Variants in LRRC4C observed in about 807,000 individuals in gnomAD.
The protein encoded by LRRC4C is leucine-rich repeat-containing protein 4C.
Under a neutral mutation model 33.6 loss-of-function variants are expected in LRRC4C, and 5 were observed. That is an observed-to-expected ratio of 0.15 (90% confidence interval 0.08 to 0.31). LRRC4C has a LOEUF of 0.31. Ranked by LOEUF, LRRC4C falls within the 10% of genes least tolerant of loss-of-function variation. LRRC4C has a pLI of 1.00. For missense variants in LRRC4C, 560 were observed against 796.7 expected (o/e 0.70, Z 3.58); for synonymous variants, 329 against 302.0 (o/e 1.09, Z -0.93).
chr11:41,116,372 GT>G (rs1165224832), intron 1 of LRRC4C, among the ~76,000 whole-genome samples: 1 of 152,024 alleles, frequency 6.6e-6, no homozygotes, highest in Admixed American at 6.6e-5. Context: ...CAATTACATA[GT>G]AAACAGCTGA....
At chr11:40,503,908 G>C (rs538057128) in intron 3 of LRRC4C, among the ~76,000 whole-genome samples, 1 of 152,218 alleles carries the variant, frequency 6.6e-6, no homozygotes, top group Non-Finnish European at 1.5e-5. Flanking sequence ...CCATGGTGCA[G>C]TATACTATCT....
chr11:40,366,084 CTG>C (rs144316158), intron 3 of LRRC4C, among the ~76,000 whole-genome samples: 1,892 of 152,014 alleles, frequency 0.012, 28 homozygotes, highest in African/African-American at 0.038. Flanking sequence ...ATTTTTAAAA[CTG>C]TGTTTTGTTT....
intron 4 of LRRC4C, among the ~76,000 whole-genome samples, chr11:40,294,930 G>A (rs1456648539): frequency 6.6e-6 from 1 of 152,150 alleles, no homozygotes; most frequent in African/African-American, 2.4e-5. Flanking sequence ...CGGTCGAGCA[G>A]GATAATCTTA....
chr11:40,670,907 G>A (rs533248243), intron 2 of LRRC4C, among the ~76,000 whole-genome samples: 57 of 152,272 alleles, frequency 3.7e-4, no homozygotes, highest in South Asian at 1.9e-3. Flanking sequence ...GGGACTATAG[G>A]TGCCCGCCAC....
At chr11:40,793,034 G>A (rs1293520066) in intron 2 of LRRC4C, among the ~76,000 whole-genome samples, 1 of 152,012 alleles carries the variant, frequency 6.6e-6, no homozygotes, top group Non-Finnish European at 1.5e-5. Context: ...TACACCTAAT[G>A]TAAATGATGA....
At chr11:40,917,062 C>T (rs990337492) in intron 2 of LRRC4C, among the ~76,000 whole-genome samples, 2 of 152,086 alleles carry the variant, frequency 1.3e-5, no homozygotes, top group African/African-American at 2.4e-5. Flanking sequence ...CTTAGTGACT[C>T]ATCATGGTAT....
At chr11:40,758,793 C>T (rs1949064908) in intron 2 of LRRC4C, among the ~76,000 whole-genome samples, 2 of 151,912 alleles carry the variant, frequency 1.3e-5, no homozygotes, top group Admixed American at 1.3e-4. Context: ...TTTCATTCTC[C>T]CAGTTCAACT....
At chr11:41,360,502 T>C (rs1480985348) in intron 1 of LRRC4C, among the ~76,000 whole-genome samples, 1 of 152,158 alleles carries the variant, frequency 6.6e-6, no homozygotes, top group East Asian at 1.9e-4. Flanking sequence ...AACTGAAATA[T>C]GAGCTACAAT....
rs368789983 is a variant in LRRC4C, at chr11:40,115,753, C to A, written c.540G>T (p.Gly180=). The part of the protein sequence containing the change: ...RIPSLRRLDL[G]ELKRLSYISE... ...AGATGTATGAAAGTCTTTTCAATTC[C>A]CCTAAGTCTAGTCGGCGCAAAGAAG... Residue 180 remains glycine, a synonymous_variant, in exon 7 of 7, where the codon GGG becomes GGT. Coordinates refer to ENST00000528697, the MANE Select transcript of LRRC4C (RefSeq NM_001258419.2). This position sits in a 1 kb window ranked among gnomAD's most constrained non-coding sequence, Gnocchi z 6.7. 7 of 1,614,114 alleles carry A rather than the reference C, an allele frequency of 4.3e-6. No individual in the cohort carries two copies. The Admixed American group carries it at 1.0e-4, about 23-fold the overall frequency.
At chr11:41,179,182 C>A (rs148478892) in intron 1 of LRRC4C, among the ~76,000 whole-genome samples, 2 of 149,314 alleles carry the variant, frequency 1.3e-5, no homozygotes, top group South Asian at 2.1e-4. Flanking sequence ...AATCCTCAAG[C>A]CTCTTTTTTT....
At chr11:41,368,988 C>T (rs1416552796) in intron 1 of LRRC4C, among the ~76,000 whole-genome samples, 1 of 152,168 alleles carries the variant, frequency 6.6e-6, no homozygotes, top group Admixed American at 6.5e-5. Context: ...CTATTTTTCT[C>T]TGTTACCACA....
chr11:40,692,513 G>A (rs138294235), intron 2 of LRRC4C, among the ~76,000 whole-genome samples: 2,027 of 152,156 alleles, frequency 0.013, 18 homozygotes, highest in African/African-American at 0.026. Flanking sequence ...TGCAGAAGTG[G>A]GGACAAAGCA....
At chr11:40,560,042 T>C (rs1374999617) in intron 3 of LRRC4C, among the ~76,000 whole-genome samples, 1 of 152,178 alleles carries the variant, frequency 6.6e-6, no homozygotes, top group East Asian at 1.9e-4. Context: ...CATCCCCAGT[T>C]AAGAGCCCAT....
intron 3 of LRRC4C, among the ~76,000 whole-genome samples, chr11:40,605,609 G>T (rs1565552181): frequency 6.6e-6 from 1 of 152,092 alleles, no homozygotes; most frequent in Non-Finnish European, 1.5e-5. Context: ...TCTCCCTGGG[G>T]GAAGAAAAGA....
intron 2 of LRRC4C, among the ~76,000 whole-genome samples, chr11:40,769,016 C>A (rs1373137265): frequency 1.3e-5 from 2 of 151,844 alleles, no homozygotes; most frequent in East Asian, 3.9e-4. Context: ...TTAAGGGCAT[C>A]CAAACTGGAA....
At chr11:41,010,184 T>G (rs2137514500) in intron 1 of LRRC4C, among the ~76,000 whole-genome samples, 1 of 152,208 alleles carries the variant, frequency 6.6e-6, no homozygotes, top group East Asian at 1.9e-4. Flanking sequence ...AATAACACAT[T>G]TATGTTATTT....
At chr11:40,936,571 C>G (rs914596047) in intron 1 of LRRC4C, among the ~76,000 whole-genome samples, 1 of 151,824 alleles carries the variant, frequency 6.6e-6, no homozygotes, top group African/African-American at 2.4e-5. Context: ...CTCCTGACCT[C>G]ATGATCCACC....
intron 1 of LRRC4C, among the ~76,000 whole-genome samples, chr11:41,242,781 A>G (rs1303292372): frequency 6.6e-6 from 1 of 152,152 alleles, no homozygotes; most frequent in Non-Finnish European, 1.5e-5. Flanking sequence ...ACAAATCTCT[A>G]TCATATAGTT....
intron 2 of LRRC4C, among the ~76,000 whole-genome samples, chr11:40,792,683 C>A (rs1950673824): frequency 6.6e-6 from 1 of 152,100 alleles, no homozygotes; most frequent in East Asian, 1.9e-4. Context: ...AAGACACATG[C>A]ACACGTATGT....
Sources: gnomAD v4.1 joint callset for allele counts (sites outside exome capture counted in the v4.1 genomes callset) on GRCh38, gnomAD v4.1.1 for gene constraint, Gnocchi (gnomAD v3.1) non-coding constraint, MANE v1.5 for transcripts, NCBI Gene and HGNC (gene_info 2026-07-23, HGNC 2026-07-21) for gene names.